The following COL22A1 variants were observed in gnomAD, a reference collection of about 807,000 sequenced individuals.
COL22A1 encodes collagen type XXII alpha 1 chain.
A neutral mutation model predicts 248.9 loss-of-function variants in COL22A1; 221 were observed. The observed-to-expected ratio is 0.89, with a 90% CI of 0.80 to 0.99. COL22A1 has a LOEUF of 0.99. COL22A1 is among the 50% of genes least tolerant of loss of function. The probability of loss-of-function intolerance (pLI) is 0.00; values close to 1 mark genes in which losing one functional copy is unlikely to be tolerated. For missense variants in COL22A1, 2,240 were observed against 2,179.0 expected (o/e 1.03, Z -0.56); for synonymous variants, 891 against 793.4 (o/e 1.12, Z -2.07).
chr8:138,805,962 A>ATGTTTG (rs1319518812), intron 10 of COL22A1, among the ~76,000 whole-genome samples: 2 of 86,704 alleles, frequency 2.3e-5, no homozygotes, highest in East Asian at 4.6e-4. Flanking sequence ...TATGGTGTGT[A>ATGTTTG]TGTGTGATAG....
In COL22A1 at chr8:138,878,094, G is replaced by C; in HGVS notation, c.314C>G (p.Ala105Gly). 2 of 1,599,682 alleles carry C rather than the reference G, an allele frequency of 1.3e-6. No homozygotes were observed. The highest frequency in any genetic ancestry group is 8.5e-7 in the Non-Finnish European group (1 of 1,174,256). The change falls in exon 3 of 65, where the codon GCC (alanine) becomes GGC (glycine). Residue 105 changes from alanine (A) to glycine (G), a missense_variant. Coordinates refer to ENST00000303045, the MANE Select transcript of COL22A1 (RefSeq NM_152888.3). ...FGSQEEVKAA[A>G]RRLAYHGGNT... ...GCCCCCGTGGTAGGCGAGACGCCGG[G>C]CAGCCGCCTTGACCTCCTCCTGCGA...
intron 56 of COL22A1, among the ~76,000 whole-genome samples, chr8:138,608,752 C>T (rs537735922): frequency 6.6e-6 from 1 of 152,316 alleles, no homozygotes; most frequent in Admixed American, 6.5e-5. Context: ...GCTTCAATTC[C>T]CCAGGCTGTG....
chr8:138,683,943 A>G (rs1826144478), intron 39 of COL22A1, among the ~76,000 whole-genome samples: 1 of 152,148 alleles, frequency 6.6e-6, no homozygotes, highest in Non-Finnish European at 1.5e-5. Context: ...AACTACTTCA[A>G]TGTAACAGTT....
intron 22 of COL22A1, among the ~76,000 whole-genome samples, chr8:138,750,471 G>T (rs928622518): frequency 1.3e-5 from 2 of 152,206 alleles, no homozygotes; most frequent in Non-Finnish European, 2.9e-5. Context: ...CGGAGGATGT[G>T]AACTGTGATG....
intron 46 of COL22A1, among the ~76,000 whole-genome samples, chr8:138,647,032 G>A (rs913178540): frequency 6.6e-6 from 1 of 152,198 alleles, no homozygotes; most frequent in Non-Finnish European, 1.5e-5. Flanking sequence ...GTGATGGTGT[G>A]TACTTGCTGA....
At chr8:138,607,770 A>G (rs1330976424) in intron 57 of COL22A1, among the ~76,000 whole-genome samples, 166 bp downstream of exon 57, 2 of 152,218 alleles carry the variant, frequency 1.3e-5, no homozygotes, top group Admixed American at 1.3e-4. Flanking sequence ...TAAACCTTAA[A>G]AAATGGCCCT....
intron 35 of COL22A1, among the ~76,000 whole-genome samples, chr8:138,691,431 G>A (rs567738385): frequency 4.7e-5 from 7 of 150,074 alleles, no homozygotes; most frequent in East Asian, 2.0e-4. Context: ...ATGTGTGCAC[G>A]TTTGTGAAGG....
chr8:138,844,507 G>A (rs1463624074), intron 3 of COL22A1, among the ~76,000 whole-genome samples: 2 of 152,164 alleles, frequency 1.3e-5, no homozygotes. Flanking sequence ...GCCTGCTGCT[G>A]GGGGGTTCAG....
chr8:138,669,280 T>C (rs1004412057), intron 41 of COL22A1, among the ~76,000 whole-genome samples: 7 of 151,882 alleles, frequency 4.6e-5, no homozygotes, highest in Non-Finnish European at 7.4e-5. Context: ...GAGCAGGAAG[T>C]GTGGAAATGG....
chr8:138,814,929 T>C (rs1818553647), intron 7 of COL22A1, among the ~76,000 whole-genome samples: 1 of 152,162 alleles, frequency 6.6e-6, no homozygotes, highest in African/African-American at 2.4e-5. Flanking sequence ...CCCACCCAAA[T>C]CTCACCTTGA....
At position 138,604,833 on chromosome 8, in the gene COL22A1, T is replaced by C. The variant is rs982113718; in HGVS notation, c.4105-64A>G. 293 of 1,307,484 alleles carry C rather than the reference T, an allele frequency of 2.2e-4. 1 individual carries two copies. Among genetic ancestry groups the C allele is most frequent in the Non-Finnish European group, 3.0e-4 (274 of 911,836 alleles). 81.0% of individuals were successfully genotyped at this position (1,307,484 alleles called of 1,614,324 possible). A position where few individuals can be genotyped will look rare whatever the true frequency, so the allele number is the denominator to read the frequency against. The stretch of plus-strand genomic sequence containing the variant: ...CAGCCCAATGTCAGTACTAAGACTG[T>C]CTTTAAAACTGACATTTCCACTCAA... On this transcript the variant is annotated intron_variant, in intron 58 of 64. Transcript: ENST00000303045.
intron 1 of COL22A1, among the ~76,000 whole-genome samples, chr8:138,910,400 A>C (rs912693001): frequency 1.3e-5 from 2 of 152,104 alleles, no homozygotes; most frequent in East Asian, 3.9e-4. Flanking sequence ...GGAAGAGTGA[A>C]AGGTCAATCC....
chr8:138,676,016 C>A (rs1825477674), intron 41 of COL22A1, among the ~76,000 whole-genome samples: 1 of 152,182 alleles, frequency 6.6e-6, no homozygotes, highest in Non-Finnish European at 1.5e-5. Flanking sequence ...TTCATTGATT[C>A]TTAAGATCCC....
At chr8:138,880,873 G>A (rs778010721) in intron 2 of COL22A1, among the ~76,000 whole-genome samples, 14 of 152,236 alleles carry the variant, frequency 9.2e-5, no homozygotes, top group African/African-American at 2.9e-4. Context: ...TTTGTTTGAA[G>A]GCTACAGAAG....
intron 1 of COL22A1, among the ~76,000 whole-genome samples, chr8:138,893,149 G>A (rs185820346): frequency 1.3e-5 from 2 of 152,294 alleles, no homozygotes; most frequent in East Asian, 1.9e-4. Context: ...TCCTGGATTC[G>A]AAATTCAACT....
chr8:138,638,718 G>C (rs184038776), intron 47 of COL22A1, among the ~76,000 whole-genome samples: 475 of 152,218 alleles, frequency 3.1e-3, no homozygotes, highest in African/African-American at 0.01. Context: ...CTAAATAAAG[G>C]CATCACACCC....
chr8:138,730,731 G>A (rs1264354296), intron 23 of COL22A1, among the ~76,000 whole-genome samples: 1 of 152,148 alleles, frequency 6.6e-6, no homozygotes, highest in Non-Finnish European at 1.5e-5. Context: ...AGGCCACGGA[G>A]CTCAGAGGAA....
chr8:138,716,341 C>T (rs1056553974), intron 28 of COL22A1, 52 bp from the exon 29 acceptor site: 1 of 1,338,374 alleles, frequency 7.5e-7, no homozygotes, highest in Non-Finnish European at 1.0e-6. Flanking sequence ...CTCCCAGGGG[C>T]CAAGCTGCAG....
rs575706534 is a variant in COL22A1, at chr8:138,593,762, G to A, written c.4615+255C>T. On this transcript the variant is annotated intron_variant, in intron 63 of 64. Coordinates refer to ENST00000303045, the MANE Select transcript of COL22A1 (RefSeq NM_152888.3). ...TTTACCTCCCTGAAACTTGAGCAGC[G>A]GAGATGGAGAGAGAACAAGAAAGTA... Among the ~76,000 whole-genome samples, 19 of 152,308 alleles carry A rather than the reference G, an allele frequency of 1.2e-4. No homozygotes were observed. The East Asian group carries it at 2.3e-3, about 19-fold the overall frequency.
Sources: gnomAD v4.1 joint callset for allele counts (sites outside exome capture counted in the v4.1 genomes callset) on GRCh38, gnomAD v4.1.1 for gene constraint, MANE v1.5 for transcripts, NCBI Gene and HGNC (gene_info 2026-07-23, HGNC 2026-07-21) for gene names.